PCDH9: variants seen among roughly 807,000 people sequenced by gnomAD.
PCDH9 encodes the protein protocadherin-9.
PCDH9 carries 24 observed loss-of-function variants against 70.6 expected under a neutral mutation model. The observed-to-expected ratio is 0.34, with a 90% CI of 0.25 to 0.48. The LOEUF (loss-of-function observed/expected upper bound fraction) is 0.48. Ranked by LOEUF, PCDH9 falls within the 20% of genes least tolerant of loss-of-function variation. The pLI, the probability that PCDH9 is intolerant of heterozygous loss-of-function variation, is 0.99. For missense variants in PCDH9, 1,281 were observed against 1,503.6 expected (o/e 0.85, Z 2.45); for synonymous variants, 562 against 558.5 (o/e 1.01, Z -0.09).
At chr13:67,131,568 T>G (rs1199532610) in intron 2 of PCDH9, among the ~76,000 whole-genome samples, 3 of 152,132 alleles carry the variant, frequency 2.0e-5, no homozygotes, top group African/African-American at 7.2e-5. Context: ...AAACCAGGTT[T>G]AAAAATAGCA....
chr13:66,889,365 A>C (rs551470374), intron 3 of PCDH9, among the ~76,000 whole-genome samples: 4 of 152,326 alleles, frequency 2.6e-5, no homozygotes, highest in African/African-American at 7.2e-5. Context: ...TTGGTTTAGC[A>C]CGAAACTTCT....
At chr13:66,499,558 C>T (rs190013269) in intron 4 of PCDH9, among the ~76,000 whole-genome samples, 131 of 152,264 alleles carry the variant, frequency 8.6e-4, no homozygotes, top group Non-Finnish European at 1.2e-3. Flanking sequence ...TCCAGCAGAC[C>T]ATTCCAAGCT....
At chr13:66,959,966 A>T (rs1229214351) in intron 2 of PCDH9, among the ~76,000 whole-genome samples, 1 of 152,146 alleles carries the variant, frequency 6.6e-6, no homozygotes, top group Non-Finnish European at 1.5e-5. Flanking sequence ...TTTCTTAGTG[A>T]CTCAGTATTC....
intron 2 of PCDH9, among the ~76,000 whole-genome samples, chr13:66,950,442 T>C (rs1016877540): frequency 6.6e-6 from 1 of 152,082 alleles, no homozygotes; most frequent in Admixed American, 6.6e-5. Flanking sequence ...TTTATGTAAA[T>C]ATCAAGGATT....
At chr13:66,631,437 T>C (rs766395193) in intron 3 of PCDH9, 26 bp from the exon 4 acceptor site, 18 of 1,304,354 alleles carry the variant, frequency 1.4e-5, no homozygotes, top group African/African-American at 4.4e-5. Context: ...CAGGACATGC[T>C]GATTAACACT....
chr13:66,956,099 C>G (rs1266414093), intron 2 of PCDH9, among the ~76,000 whole-genome samples: 1 of 151,906 alleles, frequency 6.6e-6, no homozygotes, highest in Admixed American at 6.6e-5. Context: ...AAAATAAAAA[C>G]AAACAAAAAC....
intron 3 of PCDH9, among the ~76,000 whole-genome samples, chr13:66,849,488 A>G (rs1183640142): frequency 1.9e-5 from 1 of 51,468 alleles, no homozygotes; most frequent in East Asian, 1.1e-3. Flanking sequence ...ATAGGTAGGT[A>G]TATATATATA....
chr13:66,878,313 G>A (rs2081856310), intron 3 of PCDH9, among the ~76,000 whole-genome samples: 2 of 151,824 alleles, frequency 1.3e-5, no homozygotes, highest in South Asian at 4.2e-4. Context: ...TGCAACCTCT[G>A]CCTCCCTGGT....
At chr13:67,129,811 TTATC>T (rs1245674688) in intron 2 of PCDH9, among the ~76,000 whole-genome samples, 1 of 152,028 alleles carries the variant, frequency 6.6e-6, no homozygotes, top group East Asian at 1.9e-4. Flanking sequence ...ATCAAATAAA[TTATC>T]TATTCTGGAT....
chr13:66,697,567 C>A (rs1288175251), intron 3 of PCDH9, among the ~76,000 whole-genome samples: 1 of 152,142 alleles, frequency 6.6e-6, no homozygotes, highest in Non-Finnish European at 1.5e-5. Context: ...GCATTATTGA[C>A]ATTTTGGACC....
At chr13:67,044,105 A>G (rs565638647) in intron 2 of PCDH9, among the ~76,000 whole-genome samples, 5 of 152,234 alleles carry the variant, frequency 3.3e-5, no homozygotes, top group African/African-American at 1.2e-4. Context: ...ACACCCAAGC[A>G]TAATAAGGGT....
intron 4 of PCDH9, among the ~76,000 whole-genome samples, chr13:66,624,519 T>C (rs1007962746): frequency 1.3e-5 from 2 of 152,230 alleles, no homozygotes; most frequent in African/African-American, 2.4e-5. Flanking sequence ...GCCAGAAGGA[T>C]AGCGGTCATG....
At chr13:66,321,511 T>C (rs947240501) in intron 4 of PCDH9, among the ~76,000 whole-genome samples, 1 of 151,894 alleles carries the variant, frequency 6.6e-6, no homozygotes, top group African/African-American at 2.4e-5. Context: ...ACTACTACCT[T>C]AGGAGCTAGT....
At chr13:67,184,557 C>T (rs1056574786) in intron 2 of PCDH9, among the ~76,000 whole-genome samples, 5 of 152,070 alleles carry the variant, frequency 3.3e-5, no homozygotes, top group South Asian at 2.1e-4. Flanking sequence ...GGTGAAACCC[C>T]GTCTCTATAA....
At chr13:66,857,509 T>C (rs1374586483) in intron 3 of PCDH9, among the ~76,000 whole-genome samples, 1 of 152,102 alleles carries the variant, frequency 6.6e-6, no homozygotes, top group African/African-American at 2.4e-5. Context: ...ACCTGTACAT[T>C]GCAGAAAATT....
chr13:66,969,606 C>T (rs2083484760), intron 2 of PCDH9, among the ~76,000 whole-genome samples: 1 of 152,000 alleles, frequency 6.6e-6, no homozygotes, highest in South Asian at 2.1e-4. Flanking sequence ...AAATACCTCT[C>T]TTACAAACCA....
At chr13:66,686,545 C>T (rs114467576) in intron 3 of PCDH9, among the ~76,000 whole-genome samples, 3 of 152,112 alleles carry the variant, frequency 2.0e-5, no homozygotes, top group Admixed American at 2.0e-4. Flanking sequence ...AAAGTAACAC[C>T]AATTTATCTA....
At chr13:66,388,887 A>G (rs1365402415) in intron 4 of PCDH9, among the ~76,000 whole-genome samples, 4 of 152,188 alleles carry the variant, frequency 2.6e-5, no homozygotes, top group Admixed American at 1.3e-4. Flanking sequence ...TATTCAGATC[A>G]TATTTCCAAG....
chr13:66,539,129 A>C (rs1029493350), intron 4 of PCDH9, among the ~76,000 whole-genome samples: 8 of 152,128 alleles, frequency 5.3e-5, no homozygotes, highest in African/African-American at 1.9e-4. Context: ...TGCTCATAGA[A>C]GATTTTAGAA....
Sources: gnomAD v4.1 joint callset for allele counts (sites outside exome capture counted in the v4.1 genomes callset) on GRCh38, gnomAD v4.1.1 for gene constraint, MANE v1.5 for transcripts, NCBI Gene and HGNC (gene_info 2026-07-23, HGNC 2026-07-21) for gene names.